The following MTCH2 variants were observed in gnomAD, a reference collection of about 807,000 sequenced individuals.
MTCH2 encodes mitochondrial carrier homolog 2.
Under a neutral mutation model 50.6 loss-of-function variants are expected in MTCH2, and 25 were observed. That is an observed-to-expected ratio of 0.49 (90% confidence interval 0.36 to 0.69). The LOEUF is 0.69. Ranked by LOEUF, MTCH2 falls within the 30% of genes least tolerant of loss-of-function variation. The probability of loss-of-function intolerance (pLI) is 0.00; values close to 1 mark genes in which losing one functional copy is unlikely to be tolerated. For synonymous variants in MTCH2, 106 were observed against 132.0 expected (o/e 0.80, Z 1.35); for missense variants, 273 against 384.4 (o/e 0.71, Z 2.42).
At chr11:47,634,241 C>A (rs1296884825) in intron 5 of MTCH2, among the ~76,000 whole-genome samples, 1 of 152,046 alleles carries the variant, frequency 6.6e-6, no homozygotes, top group Non-Finnish European at 1.5e-5. Flanking sequence ...ACACACCTAG[C>A]TAATTTTTCT....
chr11:47,642,246 TA>T, intron 1 of MTCH2, 132 bp downstream of exon 1: 1 of 748,680 alleles, frequency 1.3e-6, no homozygotes, highest in Non-Finnish European at 2.1e-6. Context: ...TGCGGGGAGG[TA>T]AAGGGCAGCG....
chr11:47,640,735 A>G (rs1053526570), intron 1 of MTCH2, among the ~76,000 whole-genome samples: 1 of 151,972 alleles, frequency 6.6e-6, no homozygotes, highest in African/African-American at 2.4e-5. Flanking sequence ...TATTTTTACA[A>G]CTGAGCATTT....
At chr11:47,642,335 C>A in intron 1 of MTCH2, 44 bp downstream of exon 1, 2 of 1,536,682 alleles carry the variant, frequency 1.3e-6, no homozygotes. Context: ...CAGCAGCGAC[C>A]GAACGGGGCG....
downstream of MTCH2, among the ~76,000 whole-genome samples, chr11:47,614,326 C>T (rs2097287163): frequency 6.6e-6 from 1 of 152,148 alleles, no homozygotes; most frequent in Non-Finnish European, 1.5e-5. Flanking sequence ...GCCTATCCTA[C>T]CAAAAAATCA....
intron 5 of MTCH2, among the ~76,000 whole-genome samples, chr11:47,633,518 ATATATATATTTTTTTTT>A (rs1565972545): frequency 5.3e-5 from 1 of 18,818 alleles, no homozygotes; most frequent in African/African-American, 1.5e-4. Flanking sequence ...ATATATATAT[ATATATATATTTTTTTTT>A]TTTTTTTTTT....
rs2097289714 is a variant in MTCH2, at chr11:47,618,022, G to T, written c.*811C>A. 1 of 152,098 alleles carries T rather than the reference G, an allele frequency of 6.6e-6. No homozygotes were observed. Among genetic ancestry groups the T allele is most frequent in the African/African-American group, 2.4e-5 (1 of 41,422 alleles). The allele number at this position is 152,098 out of a possible 1,614,324, so 9.4% of individuals were successfully genotyped here. On this transcript the variant is annotated 3_prime_UTR_variant, in exon 13 of 13. Coordinates refer to ENST00000302503, the MANE Select transcript of MTCH2 (RefSeq NM_014342.4). The stretch of plus-strand genomic sequence containing the variant: ...CAAATACTTGGCTCTTAAAGAAGGG[G>T]GTTACTCCTGCAGGATCTGCTTTTC...
In MTCH2 at chr11:47,638,961, A is replaced by G; in HGVS notation, c.172+6T>C. ...ATGCAAACCCAAATAAATCAAAGGC[A>G]CTTACCATAACTAAAGAGACCAGGA... On this transcript the variant is annotated splice_donor_region_variant and intron_variant, in intron 2 of 12. Transcript: ENST00000302503. 1.9e-6 allele frequency: 3 copies of G among 1,602,888 alleles called. No homozygotes were observed. The highest frequency in any genetic ancestry group is 2.6e-6 in the Non-Finnish European group (3 of 1,175,096).
intron 12 of MTCH2, among the ~76,000 whole-genome samples, chr11:47,621,325 A>T (rs1055198657): frequency 2.6e-5 from 4 of 152,182 alleles, no homozygotes; most frequent in African/African-American, 9.6e-5. Flanking sequence ...TTTCTTCTAC[A>T]ATCTTTTAAG....
chr11:47,621,466 T>G (rs2097293157), intron 12 of MTCH2, among the ~76,000 whole-genome samples: 1 of 151,040 alleles, frequency 6.6e-6, no homozygotes, highest in Non-Finnish European at 1.5e-5. Context: ...GGAGTCTTGC[T>G]CTGTCACCCA....
chr11:47,633,526 A>ATATATT (rs1378774715), intron 5 of MTCH2, among the ~76,000 whole-genome samples: 1 of 35,078 alleles, frequency 2.9e-5, no homozygotes, highest in East Asian at 9.7e-4. Context: ...ATATATATAT[A>ATATATT]TTTTTTTTTT....
chr11:47,607,308 G>C, the MTCH2 span, among the ~76,000 whole-genome samples: 9 of 152,126 alleles, frequency 5.9e-5, no homozygotes, highest in Admixed American at 4.6e-4. Flanking sequence ...CACATGTTCT[G>C]GGTGAACTGT....
At chr11:47,610,039 G>A in the MTCH2 span, among the ~76,000 whole-genome samples, 1 of 152,178 alleles carries the variant, frequency 6.6e-6, no homozygotes, top group Non-Finnish European at 1.5e-5. Context: ...TAGAGTGCAA[G>A]TACCACCACA....
chr11:47,634,923 C>T (rs966556833), intron 4 of MTCH2, among the ~76,000 whole-genome samples, 189 bp from the exon 5 acceptor site: 1 of 152,066 alleles, frequency 6.6e-6, no homozygotes, highest in Non-Finnish European at 1.5e-5. Flanking sequence ...CAGGTGCTCG[C>T]CACCACGCCC....
intron 12 of MTCH2, among the ~76,000 whole-genome samples, chr11:47,621,671 GT>G (rs774947146): frequency 5.9e-5 from 9 of 152,254 alleles, no homozygotes; most frequent in Non-Finnish European, 1.2e-4. Context: ...CTGACCTCAA[GT>G]GATCTGCCCG....
chr11:47,637,272 G>A (rs562257590), intron 3 of MTCH2, among the ~76,000 whole-genome samples: 1 of 152,298 alleles, frequency 6.6e-6, no homozygotes, highest in South Asian at 2.1e-4. Context: ...TTACAGGCAT[G>A]AGCCACTGCG....
At chr11:47,606,953 A>G in the MTCH2 span, among the ~76,000 whole-genome samples, 880 of 152,336 alleles carry the variant, frequency 5.8e-3, 10 homozygotes, top group African/African-American at 0.019. Context: ...AGAGCACGTC[A>G]GGCAGTCAGA....
chr11:47,614,084 A>AACAG (rs2097286983), downstream of MTCH2, among the ~76,000 whole-genome samples: 1 of 151,888 alleles, frequency 6.6e-6, no homozygotes, highest in South Asian at 2.1e-4. Flanking sequence ...AAAACAAACA[A>AACAG]ACAAACAAAC....
chr11:47,628,235 C>G (rs929400484), intron 9 of MTCH2, among the ~76,000 whole-genome samples: 2 of 152,156 alleles, frequency 1.3e-5, no homozygotes, highest in South Asian at 4.1e-4. Flanking sequence ...TCTCAAAAGG[C>G]TGAGGTTTCT....
chr11:47,608,641 G>A, the MTCH2 span, among the ~76,000 whole-genome samples: 1 of 152,100 alleles, frequency 6.6e-6, no homozygotes, highest in Non-Finnish European at 1.5e-5. Flanking sequence ...GTGGGCTTGG[G>A]GCGGAAGGAT....
Sources: gnomAD v4.1 joint callset for allele counts (sites outside exome capture counted in the v4.1 genomes callset) on GRCh38, gnomAD v4.1.1 for gene constraint, MANE v1.5 for transcripts, NCBI Gene and HGNC (gene_info 2026-07-23, HGNC 2026-07-21) for gene names.